Variants in TAOK3 observed in about 807,000 individuals in gnomAD.
The protein encoded by TAOK3 is TAO kinase 3.
Under a neutral mutation model 120.4 loss-of-function variants are expected in TAOK3, and 40 were observed. The ratio of observed to expected loss-of-function variants is 0.33; its 90% confidence interval spans 0.26 to 0.43. TAOK3 has a LOEUF of 0.43. TAOK3 is among the 20% of genes least tolerant of loss of function. The pLI is 1.00. For synonymous variants in TAOK3, 355 were observed against 387.5 expected, an observed-to-expected ratio of 0.92 and a Z score of 0.99; for missense variants, 821 against 1,112.1, an observed-to-expected ratio of 0.74 and a Z score of 3.72.
chr12:118,347,151 G>A (rs762497491), intron 1 of TAOK3, among the ~76,000 whole-genome samples: 3 of 152,038 alleles, frequency 2.0e-5, no homozygotes, highest in Admixed American at 6.6e-5. Context: ...CCGCAGACAC[G>A]TGTCACCACA....
intron 14 of TAOK3, among the ~76,000 whole-genome samples, chr12:118,188,923 A>AGTGTGT (rs35868707): frequency 0.016 from 2,394 of 150,978 alleles, 58 homozygotes; most frequent in African/African-American, 0.049. Flanking sequence ...AAACGATGTG[A>AGTGTGT]GTGTGTGTGT....
intron 1 of TAOK3, among the ~76,000 whole-genome samples, chr12:118,289,518 A>C (rs2042395052): frequency 6.6e-6 from 1 of 152,122 alleles, no homozygotes; most frequent in African/African-American, 2.4e-5. Context: ...TTAAGTATAA[A>C]ATCTTGACCT....
intron 8 of TAOK3, among the ~76,000 whole-genome samples, chr12:118,235,243 C>A (rs2039973934): frequency 6.6e-6 from 1 of 152,118 alleles, no homozygotes; most frequent in South Asian, 2.1e-4. Context: ...TACCTGGAGG[C>A]TTTGCCTCAA....
chr12:118,334,737 G>A (rs1036366727), intron 1 of TAOK3, among the ~76,000 whole-genome samples: 19 of 151,710 alleles, frequency 1.3e-4, no homozygotes, highest in Non-Finnish European at 2.4e-4. Context: ...TTAGCTGGGC[G>A]TGGTGGCACG....
chr12:118,190,613 T>G (rs888345848), intron 13 of TAOK3: 4 of 152,248 alleles, frequency 2.6e-5, no homozygotes, highest in African/African-American at 9.6e-5. Flanking sequence ...AACCAAATGA[T>G]ACGTTCACAA....
intron 17 of TAOK3, among the ~76,000 whole-genome samples, chr12:118,167,355 C>T (rs1236250479): frequency 1.3e-5 from 2 of 152,042 alleles, no homozygotes; most frequent in East Asian, 3.9e-4. Flanking sequence ...TGTATGCATT[C>T]TTTGACCCAG....
intron 17 of TAOK3, among the ~76,000 whole-genome samples, chr12:118,171,201 C>T (rs2035974077): frequency 6.6e-6 from 1 of 152,214 alleles, no homozygotes; most frequent in Admixed American, 6.5e-5. Context: ...GATTAACTAT[C>T]AGTTCTGAGT....
intron 1 of TAOK3, among the ~76,000 whole-genome samples, chr12:118,330,355 T>C (rs2044091763): frequency 6.6e-6 from 1 of 152,226 alleles, no homozygotes; most frequent in Admixed American, 6.5e-5. Flanking sequence ...TATATGCCAA[T>C]ATAAATATAT....
chr12:118,315,857 T>C (rs1257202031), intron 1 of TAOK3, among the ~76,000 whole-genome samples: 3 of 152,218 alleles, frequency 2.0e-5, no homozygotes, highest in Middle Eastern at 3.4e-3. Flanking sequence ...CAAGTATAAA[T>C]GACAAAGGAA....
At chr12:118,324,688 T>C (rs2043856685) in intron 1 of TAOK3, among the ~76,000 whole-genome samples, 1 of 151,656 alleles carries the variant, frequency 6.6e-6, no homozygotes, top group African/African-American at 2.4e-5. Flanking sequence ...TTAACATTAA[T>C]GTCCTCCAGT....
At chr12:118,248,047 A>G (rs2040591491) in intron 3 of TAOK3, among the ~76,000 whole-genome samples, 1 of 152,198 alleles carries the variant, frequency 6.6e-6, no homozygotes, top group African/African-American at 2.4e-5. Flanking sequence ...TTAGAGAAAA[A>G]TTCATAATCA....
chr12:118,233,902 A>G, intron 8 of TAOK3, 137 bp from the exon 9 acceptor site: 2 of 630,152 alleles, frequency 3.2e-6, no homozygotes, highest in Non-Finnish European at 5.6e-6. Flanking sequence ...TTACACAAAT[A>G]ATTTTGAAAA....
intron 2 of TAOK3, among the ~76,000 whole-genome samples, chr12:118,264,216 C>G (rs2041351520): frequency 6.6e-6 from 1 of 152,120 alleles, no homozygotes; most frequent in Non-Finnish European, 1.5e-5. Flanking sequence ...TATGATGTAG[C>G]CATTATACTC....
intron 15 of TAOK3, among the ~76,000 whole-genome samples, chr12:118,179,952 T>TG: frequency 6.8e-6 from 1 of 147,218 alleles, no homozygotes; most frequent in South Asian, 2.2e-4. Flanking sequence ...GGCTGGTTTT[T>TG]TTTTTTTTTT....
intron 1 of TAOK3, among the ~76,000 whole-genome samples, chr12:118,363,663 A>C (rs1325824777): frequency 6.6e-6 from 1 of 152,162 alleles, no homozygotes; most frequent in Non-Finnish European, 1.5e-5. Context: ...GAAATGGAAC[A>C]AAATCCTGAA....
At chr12:118,186,244 T>C (rs1593086513) in intron 14 of TAOK3, among the ~76,000 whole-genome samples, 1 of 152,324 alleles carries the variant, frequency 6.6e-6, no homozygotes, top group South Asian at 2.1e-4. Flanking sequence ...CTCCCTGACA[T>C]GTGTTCTAAC....
intron 3 of TAOK3, among the ~76,000 whole-genome samples, chr12:118,245,572 C>G (rs2040456803): frequency 6.6e-6 from 1 of 152,174 alleles, no homozygotes; most frequent in South Asian, 2.1e-4. Context: ...CCCGCCTCAG[C>G]CTCCCAAAGT....
intron 1 of TAOK3, among the ~76,000 whole-genome samples, chr12:118,326,918 A>G: frequency 6.6e-6 from 1 of 152,298 alleles, no homozygotes; most frequent in East Asian, 1.9e-4. Context: ...ACTATTGTGT[A>G]TTCTTCAGAA....
chr12:118,228,581 C>T (rs2039619012), intron 9 of TAOK3, among the ~76,000 whole-genome samples: 1 of 152,160 alleles, frequency 6.6e-6, no homozygotes, highest in East Asian at 1.9e-4. Flanking sequence ...TGAGATTTAT[C>T]CATGATGATA....
Sources: allele counts gnomAD v4.1 joint callset (sites outside exome capture counted in the v4.1 genomes callset), GRCh38; gene constraint gnomAD v4.1.1; transcripts MANE v1.5; gene names NCBI Gene and HGNC (gene_info 2026-07-23, HGNC 2026-07-21).